The following ACSF2 variants were observed in gnomAD, a reference collection of about 807,000 sequenced individuals.
ACSF2 encodes acyl-CoA synthetase family member 2.
Under a neutral mutation model 79.3 loss-of-function variants are expected in ACSF2, and 52 were observed. The ratio of observed to expected loss-of-function variants is 0.66; its 90% CI spans 0.53 to 0.83. The LOEUF (loss-of-function observed/expected upper bound fraction) is 0.83. ACSF2 is among the 40% of genes least tolerant of loss of function. The pLI is 0.00. For synonymous variants in ACSF2, 283 were observed against 312.6 expected, an observed-to-expected ratio of 0.91 and a Z score of 1.00; for missense variants, 661 against 803.3, an observed-to-expected ratio of 0.82 and a Z score of 2.14.
intron 1 of ACSF2, chr17:50,460,356 C>A: frequency 2.1e-6 from 1 of 475,366 alleles, no homozygotes; most frequent in Middle Eastern, 5.0e-4. Context: ...AAGGCATGGT[C>A]CTGCTTTGTA....
chr17:50,427,025 C>G lies in ACSF2; in HGVS notation c.128+636C>G, dbSNP rs1032579970. On this transcript the variant is annotated intron_variant, in intron 1 of 15. Transcript: ENST00000300441. ...GGTGTGACCAGTCCTTGGGAGGACC[C>G]CGTGAGATGGCAAATGTGAAAGTGC... 2.0e-6 allele frequency: 3 copies of G among 1,525,256 alleles called. No homozygotes were observed. The Admixed American group carries it at 5.9e-5, about 30-fold the overall frequency. The allele number at this position is 1,525,256 out of a possible 1,614,324, so 94.5% of individuals were successfully genotyped here. A position where few individuals can be genotyped will look rare whatever the true frequency, so the allele number is the denominator to read the frequency against.
At chr17:50,464,564 G>A (rs1396632919) in intron 10 of ACSF2, 1 of 605,772 alleles carries the variant, frequency 1.7e-6, no homozygotes, top group South Asian at 1.5e-5. Context: ...AAGATGGACA[G>A]CAAAGCACCG....
chr17:50,445,364 T>A (rs757821565), intron 1 of ACSF2, among the ~76,000 whole-genome samples: 9 of 152,196 alleles, frequency 5.9e-5, no homozygotes, highest in Non-Finnish European at 1.2e-4. Flanking sequence ...CCTGTATGAT[T>A]GCATTACAGA....
intron 10 of ACSF2, chr17:50,464,714 T>C (rs1032304374): frequency 2.4e-6 from 1 of 416,626 alleles, no homozygotes; most frequent in Non-Finnish European, 4.8e-6. Flanking sequence ...AGAGGAAGGA[T>C]GATCCTGGGA....
Position 50,438,318 on chromosome 17 carries a change from A to G in ACSF2, c.128+11929A>G, listed in dbSNP as rs116872769. Among the ~76,000 whole-genome samples, 1,334 of 152,348 alleles carry G rather than the reference A, an allele frequency of 8.8e-3. 10 individuals carry two copies. The highest frequency in any genetic ancestry group is 0.024 in the Middle Eastern group (7 of 294). On this transcript the variant is annotated intron_variant, in intron 1 of 15. Transcript: ENST00000300441. ...CTAAGATATTAGTTTTACCTGCTGT[A>G]TAGCAGTCCATCCTATGACTGTATC...
chr17:50,454,847 AT>A (rs796672276), intron 1 of ACSF2, among the ~76,000 whole-genome samples: 215 of 147,952 alleles, frequency 1.5e-3, no homozygotes, highest in African/African-American at 1.7e-3. Context: ...ATTGAACTGG[AT>A]TTTTTTTTTT....
At chr17:50,439,104 G>C (rs1219883645) in intron 1 of ACSF2, among the ~76,000 whole-genome samples, 1 of 150,802 alleles carries the variant, frequency 6.6e-6, no homozygotes, top group Non-Finnish European at 1.5e-5. Flanking sequence ...GGGTCTTGCT[G>C]TCTCCCAGGC....
intron 12 of ACSF2, 76 bp from the exon 13 acceptor site, chr17:50,473,589 T>C: frequency 3.1e-6 from 5 of 1,600,768 alleles, no homozygotes; most frequent in Non-Finnish European, 2.6e-6. Context: ...AGCTGGTCAA[T>C]AAATGTTTCA....
At chr17:50,432,429 G>T (rs2030009828) in intron 1 of ACSF2, among the ~76,000 whole-genome samples, 1 of 152,220 alleles carries the variant, frequency 6.6e-6, no homozygotes, top group Admixed American at 6.5e-5. Flanking sequence ...TGTCTGGGGA[G>T]TAGGAGGGAG....
intron 10 of ACSF2, chr17:50,465,814 G>T (rs1044608951): frequency 1.9e-6 from 3 of 1,613,880 alleles, no homozygotes; most frequent in Non-Finnish European, 2.5e-6. Flanking sequence ...TCAAGCGGTT[G>T]TTCTCCAAAT....
Position 50,464,771 on chromosome 17 carries a change from G to A in ACSF2, c.1215+477G>A, listed in dbSNP as rs577577426. On this transcript the variant is annotated intron_variant, in intron 10 of 15. Coordinates refer to ENST00000300441, the MANE Select transcript of ACSF2 (RefSeq NM_025149.6). ...ACCTGTTGTGGTTCTGATTGACTTG[G>A]GGGGGGGGTCTCAGCAACAGCTTCT... 1.2e-5 allele frequency: 4 copies of A among 328,800 alleles called. 1 individual carries two copies. The highest frequency in any genetic ancestry group is 4.0e-5 in the Admixed American group (1 of 24,956). The allele number at this position is 328,800 out of a possible 1,614,324, so 20.4% of individuals were successfully genotyped here. A position where few individuals can be genotyped will look rare whatever the true frequency, so the allele number is the denominator to read the frequency against.
At chr17:50,428,110 G>A (rs1187418952) in intron 1 of ACSF2, among the ~76,000 whole-genome samples, 1 of 152,140 alleles carries the variant, frequency 6.6e-6, no homozygotes, top group Non-Finnish European at 1.5e-5. Flanking sequence ...GATCACTTGA[G>A]CCCAGGAGTT....
chr17:50,464,732 C>A, intron 10 of ACSF2: 1 of 377,026 alleles, frequency 2.7e-6, no homozygotes. Context: ...GGAGGGTGGC[C>A]ATCCTGATGA....
In ACSF2 at chr17:50,444,904, T is replaced by C. The variant is rs150716117; in HGVS notation, c.129-15773T>C. Among the ~76,000 whole-genome samples the C allele has an allele frequency of 5.4e-3, 825 of 152,240 alleles. 8 individuals carry two copies. The highest frequency in any genetic ancestry group is 9.3e-3 in the Admixed American group (142 of 15,270). ...TGGTCTGTTTTGGTGGAAAAATGTT[T>C]GCAATTAGATAATGTGGCTTTTTTT... On this transcript the variant is annotated intron_variant, in intron 1 of 15. Coordinates refer to ENST00000300441, the MANE Select transcript of ACSF2 (RefSeq NM_025149.6).
At chr17:50,448,219 G>T (rs2031425874) in intron 1 of ACSF2, among the ~76,000 whole-genome samples, 1 of 152,210 alleles carries the variant, frequency 6.6e-6, no homozygotes, top group South Asian at 2.1e-4. Flanking sequence ...GTAGGCAATT[G>T]TAACACAAGG....
chr17:50,473,980 G>A lies in ACSF2; in HGVS notation c.1704G>A (p.Glu568=), dbSNP rs1222211721. The A allele has an allele frequency of 1.3e-6, 2 of 1,519,142 alleles. No individual in the cohort carries two copies. Among genetic ancestry groups the A allele is most frequent in the South Asian group, 2.6e-5 (2 of 76,866 alleles). 94.1% of individuals were successfully genotyped at this position (1,519,142 alleles called of 1,614,324 possible). A position where few individuals can be genotyped will look rare whatever the true frequency, so the allele number is the denominator to read the frequency against. The part of the protein sequence containing the change: ...LKDGEETTVE[E]IKAFCKGKIS... ...ACGGGGAGGAGACCACGGTGGAGGA[G>A]ATAAAAGCTTTCTGCAAAGGGAAGG... Residue 568 remains glutamate, a synonymous_variant, in exon 14 of 16, where the codon GAG becomes GAA. Transcript: ENST00000300441.
intron 1 of ACSF2, among the ~76,000 whole-genome samples, chr17:50,441,418 G>A (rs1296326335): frequency 6.6e-6 from 1 of 152,172 alleles, no homozygotes; most frequent in Non-Finnish European, 1.5e-5. Flanking sequence ...CAAGGGATCC[G>A]CCCACCTTGG....
chr17:50,463,852 G>T lies in ACSF2; in HGVS notation c.1081G>T (p.Val361Leu). ...TFLYGTPTMF[V>L]DILNQPDFSS... ...CCTGTATGGTACCCCCACGATGTTC[G>T]TGGACATTCTGAACCAGCCAGACTT... is the stretch of plus-strand genomic sequence containing the variant. The change falls in exon 9 of 16, where the codon GTG becomes TTG. Residue 361 changes from valine to leucine, a missense_variant. Coordinates refer to ENST00000300441, the MANE Select transcript of ACSF2 (RefSeq NM_025149.6). The surrounding 1 kb of genome is among the most constrained non-coding windows in gnomAD (Gnocchi z 4.6). 6.2e-7 allele frequency: 1 copy of T among 1,614,098 alleles called. No individual in the cohort carries two copies. The highest frequency in any genetic ancestry group is 8.5e-7 in the Non-Finnish European group (1 of 1,180,010).
intron 1 of ACSF2, among the ~76,000 whole-genome samples, chr17:50,434,695 ATT>A (rs879273965): frequency 7.0e-6 from 1 of 143,830 alleles, no homozygotes; most frequent in Non-Finnish European, 1.5e-5. Flanking sequence ...CAAAAAAATA[ATT>A]TTTTTTTTTT....
Sources: gnomAD v4.1 joint callset for allele counts (sites outside exome capture counted in the v4.1 genomes callset) on GRCh38, gnomAD v4.1.1 for gene constraint, Gnocchi (gnomAD v3.1) non-coding constraint, MANE v1.5 for transcripts, NCBI Gene and HGNC (gene_info 2026-07-23, HGNC 2026-07-21) for gene names.